Variants in POLA1 observed in about 807,000 individuals in gnomAD.
POLA1 encodes DNA polymerase alpha 1, catalytic subunit, also known as DNA polymerase alpha catalytic subunit.
Under a neutral mutation model 124.0 loss-of-function variants are expected in POLA1, and 15 were observed. That is an observed-to-expected ratio of 0.12 (90% CI 0.08 to 0.19). POLA1 has a LOEUF of 0.19. POLA1 is among the 10% of genes least tolerant of loss of function. POLA1 has a pLI of 1.00. For synonymous variants in POLA1, 408 were observed against 389.4 expected, an observed-to-expected ratio of 1.05 and a Z score of -0.56; for missense variants, 886 against 1,103.4, an observed-to-expected ratio of 0.80 and a Z score of 2.79.
chrX:24,960,175 C>G (rs895441678), intron 36 of POLA1, among the ~76,000 whole-genome samples: 1 of 111,757 alleles, frequency 8.9e-6, no homozygotes, highest in Admixed American at 9.5e-5. Context: ...TCTGTGGCAC[C>G]TCTACCCTCA....
At chrX:24,970,097 G>A (rs916896260) in intron 36 of POLA1, among the ~76,000 whole-genome samples, 2 of 111,673 alleles carry the variant, frequency 1.8e-5, no homozygotes, top group Non-Finnish European at 1.9e-5. Context: ...TTGATTCCAC[G>A]TCTCTGCAGA....
chrX:24,743,113 A>G (rs1931774846), intron 22 of POLA1, 117 bp from the exon 23 acceptor site: 5 of 419,602 alleles, frequency 1.2e-5, no homozygotes, highest in Non-Finnish European at 2.0e-5. Context: ...AGATAGGACC[A>G]CTAACTGAAA....
chrX:24,745,382 C>A, intron 23 of POLA1, 36 bp from the exon 24 acceptor site: 1 of 1,093,359 alleles, frequency 9.1e-7, no homozygotes, highest in Non-Finnish European at 1.2e-6. Context: ...TTCTGCTTTT[C>A]TTTAGACTTT....
chrX:24,974,670 G>A (rs2048345048), intron 36 of POLA1, among the ~76,000 whole-genome samples: 1 of 109,101 alleles, frequency 9.2e-6, no homozygotes, highest in Non-Finnish European at 1.9e-5. Context: ...GGGGGCAAGG[G>A]GAGAGAGAGC....
intron 36 of POLA1, among the ~76,000 whole-genome samples, chrX:24,979,712 G>A (rs1333444261): frequency 8.9e-6 from 1 of 112,257 alleles, no homozygotes; most frequent in African/African-American, 3.2e-5. Flanking sequence ...AAATGGAAAT[G>A]CCTGAAGAGT....
At chrX:24,863,111 A>G (rs1344552714) in intron 34 of POLA1, among the ~76,000 whole-genome samples, 1 of 112,055 alleles carries the variant, frequency 8.9e-6, no homozygotes, top group Non-Finnish European at 1.9e-5. Context: ...TAATTTTTTT[A>G]GAATAAAGGT....
chrX:24,709,432 C>CG (rs1220602083), intron 4 of POLA1, among the ~76,000 whole-genome samples: 15 of 100,680 alleles, frequency 1.5e-4, no homozygotes, highest in South Asian at 1.5e-3. Flanking sequence ...GCTGGCCAGG[C>CG]GGGGGGCTGA....
chrX:24,800,410 GTTTTAA>G (rs1016401301), intron 26 of POLA1, among the ~76,000 whole-genome samples: 1 of 111,180 alleles, frequency 9.0e-6, no homozygotes, highest in African/African-American at 3.3e-5. Flanking sequence ...TACTGCTCCA[GTTTTAA>G]TTTTAGTATC....
At chrX:24,969,957 C>G (rs979675094) in intron 36 of POLA1, among the ~76,000 whole-genome samples, 1 of 112,270 alleles carries the variant, frequency 8.9e-6, no homozygotes, top group African/African-American at 3.2e-5. Context: ...TGCTGAAGAT[C>G]GTGGCTTGCA....
intron 36 of POLA1, among the ~76,000 whole-genome samples, chrX:24,932,940 C>T (rs2047803219): frequency 9.0e-6 from 1 of 111,729 alleles, no homozygotes; most frequent in Non-Finnish European, 1.9e-5. Context: ...TGGGGGCACA[C>T]TTACCAAGAG....
At chrX:24,878,795 C>G (rs1601829462) in intron 34 of POLA1, among the ~76,000 whole-genome samples, 1 of 109,538 alleles carries the variant, frequency 9.1e-6, no homozygotes, top group Non-Finnish European at 1.9e-5. Flanking sequence ...CTTTCTTTCC[C>G]CATAAGCACA....
At chrX:24,711,181 G>T (rs1261353610) in intron 4 of POLA1, among the ~76,000 whole-genome samples, 1 of 111,015 alleles carries the variant, frequency 9.0e-6, no homozygotes, top group Non-Finnish European at 1.9e-5. Flanking sequence ...ACAGAGTTTC[G>T]CCATGTTGCC....
chrX:24,891,303 G>T (rs1292172559), intron 35 of POLA1, among the ~76,000 whole-genome samples: 1 of 111,332 alleles, frequency 9.0e-6, no homozygotes, highest in East Asian at 2.8e-4. Context: ...TCTGGTTCCG[G>T]TGCTGCTCAG....
At chrX:24,710,664 G>GTTTTT (rs1191270484) in intron 4 of POLA1, among the ~76,000 whole-genome samples, 2 of 86,641 alleles carry the variant, frequency 2.3e-5, no homozygotes, top group Non-Finnish European at 4.4e-5. Flanking sequence ...ATATGTTGTG[G>GTTTTT]TTTTTTTTTT....
At chrX:24,850,142 A>G (rs1406592767) in intron 34 of POLA1, among the ~76,000 whole-genome samples, 1 of 111,764 alleles carries the variant, frequency 8.9e-6, no homozygotes, top group East Asian at 2.8e-4. Context: ...TGAATGGCTG[A>G]TTTTTGTTGT....
chrX:24,714,109 T>C (rs1929656049), intron 4 of POLA1, among the ~76,000 whole-genome samples: 1 of 112,639 alleles, frequency 8.9e-6, no homozygotes, highest in Non-Finnish European at 1.9e-5. Flanking sequence ...TGAATTAAAC[T>C]CATTTAAAAT....
At chrX:24,835,331 C>T (rs1251769736) in intron 32 of POLA1, among the ~76,000 whole-genome samples, 7 of 110,992 alleles carry the variant, frequency 6.3e-5, no homozygotes, top group African/African-American at 1.3e-4. Context: ...CGATTACAGG[C>T]GTGAGTCAGT....
At chrX:24,770,801 A>G (rs891099496) in intron 26 of POLA1, among the ~76,000 whole-genome samples, 7 of 110,390 alleles carry the variant, frequency 6.3e-5, no homozygotes, top group Non-Finnish European at 1.3e-4. Context: ...CTTTCACATA[A>G]CTGGTACTCA....
chrX:24,716,591 TA>T (rs1355543985), intron 7 of POLA1, 137 bp downstream of exon 7: 2 of 441,194 alleles, frequency 4.5e-6, no homozygotes, highest in Non-Finnish European at 7.9e-6. Flanking sequence ...ATTCAATTTA[TA>T]GTTTCATGTA....
Sources: gnomAD v4.1 joint callset for allele counts (sites outside exome capture counted in the v4.1 genomes callset) on GRCh38, gnomAD v4.1.1 for gene constraint, MANE v1.5 for transcripts, NCBI Gene and HGNC (gene_info 2026-07-23, HGNC 2026-07-21) for gene names.